The following STS variants were observed in gnomAD, a reference collection of about 807,000 sequenced individuals.
STS encodes the protein steryl-sulfatase.
STS carries 7 observed loss-of-function variants against 26.8 expected under a neutral mutation model. The ratio of observed to expected loss-of-function variants is 0.26; its 90% CI spans 0.15 to 0.49. The LOEUF (loss-of-function observed/expected upper bound fraction) is 0.49. Ranked by LOEUF, STS falls within the 20% of genes least tolerant of loss-of-function variation. The pLI is 0.98. For missense variants in STS, 434 were observed against 465.6 expected (o/e 0.93, Z 0.63); for synonymous variants, 199 against 189.4 (o/e 1.05, Z -0.42).
chrX:7,198,663 G>T (rs920518933), intron 2 of STS, among the ~76,000 whole-genome samples: 3 of 112,437 alleles, frequency 2.7e-5, no homozygotes, highest in African/African-American at 9.7e-5. Flanking sequence ...AGGAATGAAC[G>T]AGGGCAGTCT....
At chrX:7,258,907 G>GAAA (rs200914929) in intron 5 of STS, among the ~76,000 whole-genome samples, 1 of 95,133 alleles carries the variant, frequency 1.1e-5, no homozygotes, top group African/African-American at 3.9e-5. Context: ...CCAGGAAAAA[G>GAAA]AAAAAAAAAA....
intron 7 of STS, among the ~76,000 whole-genome samples, chrX:7,278,295 C>G (rs1924636513): frequency 1.8e-5 from 2 of 112,049 alleles, no homozygotes; most frequent in East Asian, 5.6e-4. Context: ...CAGGACGGGA[C>G]TGTTGGATTC....
At chrX:7,225,361 C>CA (rs1921753365) in intron 2 of STS, among the ~76,000 whole-genome samples, 1 of 110,835 alleles carries the variant, frequency 9.0e-6, no homozygotes, top group African/African-American at 3.3e-5. Flanking sequence ...TGTATTTCAG[C>CA]AAAAAAATTC....
At chrX:7,180,295 G>C (rs1412947253) in intron 1 of STS, among the ~76,000 whole-genome samples, 1 of 111,858 alleles carries the variant, frequency 8.9e-6, no homozygotes, top group African/African-American at 3.3e-5. Flanking sequence ...GACAGTGATA[G>C]ATCATCAAGC....
At chrX:7,312,632 G>GATCTGATGGTTTT (rs1346486676) in intron 8 of STS, among the ~76,000 whole-genome samples, 2 of 111,142 alleles carry the variant, frequency 1.8e-5, no homozygotes, top group African/African-American at 6.5e-5. Context: ...AGTCTCATGA[G>GATCTGATGGTTTT]ATCTGATGGT....
chrX:7,281,122 C>T (rs1464148676), intron 7 of STS, among the ~76,000 whole-genome samples: 1 of 107,200 alleles, frequency 9.3e-6, no homozygotes, highest in African/African-American at 3.4e-5. Context: ...GCCAAGATTG[C>T]GCCCCTGCAC....
chrX:7,291,491 T>C (rs1229059940), intron 7 of STS, among the ~76,000 whole-genome samples: 2 of 112,412 alleles, frequency 1.8e-5, no homozygotes, highest in African/African-American at 3.2e-5. Context: ...TGGATCTTGT[T>C]CATTGGGTAC....
chrX:7,255,298 G>A (rs1923351841), intron 3 of STS, among the ~76,000 whole-genome samples: 1 of 111,619 alleles, frequency 9.0e-6, no homozygotes, highest in South Asian at 3.7e-4. Flanking sequence ...CCCACCTTTT[G>A]CCTACTTTTG....
At chrX:7,294,951 A>G (rs1187160774) in intron 7 of STS, among the ~76,000 whole-genome samples, 1 of 111,799 alleles carries the variant, frequency 8.9e-6, no homozygotes, top group Non-Finnish European at 1.9e-5. Flanking sequence ...TTTGCCTCAG[A>G]TACTATAAAG....
intron 9 of STS, among the ~76,000 whole-genome samples, chrX:7,332,174 A>G (rs1208968422): frequency 3.6e-5 from 4 of 109,780 alleles, no homozygotes; most frequent in African/African-American, 9.9e-5. Context: ...AAAAAAAAAA[A>G]ATGAAAAATA....
In STS at chrX:7,201,623, C is replaced by T. The variant is rs1204413773; in HGVS notation, c.-5+10615C>T. 4.6e-5 allele frequency among the ~76,000 whole-genome samples: 5 copies of T among 109,378 alleles called. 1 individual carries two copies. The highest frequency in any genetic ancestry group is 7.6e-5 in the Non-Finnish European group (4 of 52,672). 95.0% of individuals were successfully genotyped at this position (109,378 alleles called of 115,157 possible). ...GTATGTTCTTTCATCACATCCATTT[C>T]ACTCTTCAAAGGCATTCTTCTCAAC... On this transcript the variant is annotated intron_variant, in intron 2 of 10. Transcript: ENST00000674429.
At chrX:7,215,479 C>T (rs1237416024) in intron 2 of STS, among the ~76,000 whole-genome samples, 1 of 110,385 alleles carries the variant, frequency 9.1e-6, no homozygotes, top group Admixed American at 9.7e-5. Flanking sequence ...AGGAGTGATG[C>T]AGTTGTGGAT....
chrX:7,210,723 A>G (rs1921005624), intron 2 of STS, among the ~76,000 whole-genome samples: 1 of 108,705 alleles, frequency 9.2e-6, no homozygotes, highest in South Asian at 3.7e-4. Flanking sequence ...ATTCCTTTTA[A>G]TACTTTATAA....
chrX:7,169,109 C>A (rs1156780812), intron 1 of STS, among the ~76,000 whole-genome samples: 2 of 111,236 alleles, frequency 1.8e-5, no homozygotes, highest in Non-Finnish European at 1.9e-5. Context: ...CGAAAACAAC[C>A]CTATACCCTT....
At chrX:7,262,169 A>C (rs150231997) in intron 6 of STS, among the ~76,000 whole-genome samples, 2,487 of 112,064 alleles carry the variant, frequency 0.022, 31 homozygotes, top group Non-Finnish European at 0.036. Context: ...AGACTGACAA[A>C]ATCTCAGTGG....
intron 2 of STS, among the ~76,000 whole-genome samples, chrX:7,215,136 CACATAT>C (rs1921253989): frequency 1.2e-5 from 1 of 83,694 alleles, no homozygotes; most frequent in East Asian, 3.8e-4. Context: ...CACACACACA[CACATAT>C]ATATATATAT....
At chrX:7,207,701 C>T (rs1202989860) in intron 2 of STS, among the ~76,000 whole-genome samples, 1 of 111,857 alleles carries the variant, frequency 8.9e-6, no homozygotes, top group African/African-American at 3.2e-5. Flanking sequence ...GAAGAAGGAT[C>T]ATTATGCACA....
intron 1 of STS, among the ~76,000 whole-genome samples, chrX:7,165,215 T>C (rs1188036749): frequency 9.3e-6 from 1 of 108,106 alleles, no homozygotes; most frequent in African/African-American, 3.4e-5. Context: ...TGTGGGGTGT[T>C]AGTGGCTTTG....
At chrX:7,148,946 C>CTT (rs5901336) in intron 1 of STS, among the ~76,000 whole-genome samples, 2 of 104,159 alleles carry the variant, frequency 1.9e-5, no homozygotes, top group African/African-American at 3.5e-5. Context: ...AAACAGCTTT[C>CTT]TTTTTTTTTT....
Sources: allele counts gnomAD v4.1 joint callset (sites outside exome capture counted in the v4.1 genomes callset), GRCh38; gene constraint gnomAD v4.1.1; transcripts MANE v1.5; gene names NCBI Gene and HGNC (gene_info 2026-07-23, HGNC 2026-07-21).